The following ANKRD30BL variants were observed in gnomAD, a reference collection of about 807,000 sequenced individuals.
The protein encoded by ANKRD30BL is putative ankyrin repeat domain-containing protein 30B-like.
ANKRD30BL carries 20 observed loss-of-function variants against 18.4 expected under a neutral mutation model. The observed-to-expected ratio is 1.09, with a 90% CI of 0.77 to 1.58. The LOEUF (loss-of-function observed/expected upper bound fraction) is 1.58, where lower values mean the gene tolerates loss of function less well. ANKRD30BL is among the 40% of genes most tolerant of loss of function. The pLI is 0.00. For synonymous variants in ANKRD30BL, 72 were observed against 100.9 expected, an observed-to-expected ratio of 0.71 and a Z score of 1.72; for missense variants, 224 against 268.6, an observed-to-expected ratio of 0.83 and a Z score of 1.16.
chr2:132,166,806 A>G (rs531558527), upstream of ANKRD30BL, among the ~76,000 whole-genome samples: 7 of 152,086 alleles, frequency 4.6e-5, no homozygotes, highest in Non-Finnish European at 7.4e-5. Context: ...TTTTACTGAT[A>G]TCTGCTAAAC....
chr2:132,242,179 C>T (rs376058367), intron 1 of ANKRD30BL, among the ~76,000 whole-genome samples: 20 of 151,476 alleles, frequency 1.3e-4, no homozygotes, highest in East Asian at 9.7e-4. Flanking sequence ...TTGAGGATTT[C>T]GTTGGAAACG....
chr2:132,183,536 AG>A (rs1210998699), intron 1 of ANKRD30BL, among the ~76,000 whole-genome samples: 1 of 152,132 alleles, frequency 6.6e-6, no homozygotes, highest in African/African-American at 2.4e-5. Context: ...AGTTAGCAAG[AG>A]GGGGCAAGGC....
chr2:132,155,494 G>C (rs1381828608), intron 3 of ANKRD30BL: 1 of 152,106 alleles, frequency 6.6e-6, no homozygotes, highest in Non-Finnish European at 1.5e-5. Context: ...TAAGGAAGTG[G>C]CTCTAAATTA....
chr2:132,247,465 T>C (rs376180160), intron 1 of ANKRD30BL, among the ~76,000 whole-genome samples: 1 of 151,682 alleles, frequency 6.6e-6, no homozygotes, highest in Non-Finnish European at 1.5e-5. Context: ...AAATATCCTT[T>C]TGCAGGTTCT....
chr2:132,149,409 TAGAG>T (rs1315184463), intron 5 of ANKRD30BL, among the ~76,000 whole-genome samples: 2 of 152,204 alleles, frequency 1.3e-5, no homozygotes, highest in African/African-American at 2.4e-5. Context: ...GGTTTCAACT[TAGAG>T]GGAATGAAGT....
intron 1 of ANKRD30BL, among the ~76,000 whole-genome samples, chr2:132,255,923 C>A (rs549686691): frequency 6.6e-6 from 1 of 152,042 alleles, no homozygotes; most frequent in African/African-American, 2.4e-5. Context: ...TGGCGGCACC[C>A]GACCCCCCGG....
intron 1 of ANKRD30BL, among the ~76,000 whole-genome samples, chr2:132,226,539 A>G (rs1231653526): frequency 3.3e-5 from 5 of 152,050 alleles, no homozygotes; most frequent in Non-Finnish European, 7.3e-5. Context: ...TAAAATCTAG[A>G]CAGAACCAAT....
chr2:132,235,553 CAGAG>C (rs1224317371), intron 1 of ANKRD30BL, among the ~76,000 whole-genome samples: 50 of 152,070 alleles, frequency 3.3e-4, no homozygotes, highest in African/African-American at 1.2e-3. Flanking sequence ...AACAGACAAA[CAGAG>C]AGCCAAATCA....
chr2:132,188,535 C>G (rs540661311), intron 1 of ANKRD30BL, among the ~76,000 whole-genome samples: 1 of 152,094 alleles, frequency 6.6e-6, no homozygotes, highest in Non-Finnish European at 1.5e-5. Context: ...AGGGTGAAAC[C>G]CTGTCTCCAC....
At chr2:132,238,045 T>C (rs569025904) in intron 1 of ANKRD30BL, among the ~76,000 whole-genome samples, 5 of 152,136 alleles carry the variant, frequency 3.3e-5, no homozygotes, top group Admixed American at 2.6e-4. Context: ...TTCCGTTTCA[T>C]AGAACAGTTT....
intron 1 of ANKRD30BL, among the ~76,000 whole-genome samples, chr2:132,193,614 T>C (rs1678902746): frequency 6.6e-6 from 1 of 152,182 alleles, no homozygotes; most frequent in African/African-American, 2.4e-5. Context: ...GCTAGACTCA[T>C]GGAGCCCTGG....
intron 1 of ANKRD30BL, among the ~76,000 whole-genome samples, chr2:132,223,996 A>C (rs1333186539): frequency 1.3e-5 from 2 of 152,154 alleles, no homozygotes; most frequent in Non-Finnish European, 1.5e-5. Flanking sequence ...CATTCTCAGA[A>C]ACTTCTTTGT....
chr2:132,229,777 G>A (rs1318216923), intron 1 of ANKRD30BL, among the ~76,000 whole-genome samples: 2 of 151,914 alleles, frequency 1.3e-5, no homozygotes, highest in Non-Finnish European at 2.9e-5. Flanking sequence ...GGACTATGGT[G>A]GGAAAGGAAA....
chr2:132,221,385 T>G (rs1255438523), intron 1 of ANKRD30BL, among the ~76,000 whole-genome samples: 2 of 90,780 alleles, frequency 2.2e-5, no homozygotes, highest in Non-Finnish European at 4.4e-5. Context: ...GTCAGCCCCC[T>G]GCCCGGCCAG....
At chr2:132,162,146 C>T (rs575091779), upstream of ANKRD30BL, among the ~76,000 whole-genome samples, 578 of 152,198 alleles carry the variant, frequency 3.8e-3, 3 homozygotes, top group African/African-American at 0.013. Context: ...CCCCTGTCCC[C>T]TCCTCAACCT....
chr2:132,159,335 T>G (rs1379946577), intron 1 of ANKRD30BL, among the ~76,000 whole-genome samples: 1 of 152,130 alleles, frequency 6.6e-6, no homozygotes. Flanking sequence ...CACCAAATTG[T>G]CTATTTGAAA....
chr2:132,174,593 A>T (rs1688331362), intron 1 of ANKRD30BL, among the ~76,000 whole-genome samples: 1 of 152,194 alleles, frequency 6.6e-6, no homozygotes, highest in South Asian at 2.1e-4. Context: ...AGAAAGAAAG[A>T]TGTGTAAGAT....
upstream of ANKRD30BL, among the ~76,000 whole-genome samples, chr2:132,165,581 G>T (rs1688174798): frequency 6.7e-6 from 1 of 149,398 alleles, no homozygotes; most frequent in Non-Finnish European, 1.5e-5. Context: ...AAATTAGCCG[G>T]ACATGGTGGT....
intron 1 of ANKRD30BL, among the ~76,000 whole-genome samples, chr2:132,178,704 A>G (rs1447959295): frequency 6.6e-6 from 1 of 152,158 alleles, no homozygotes; most frequent in Admixed American, 6.6e-5. Context: ...AAATGTAGAA[A>G]ATATTTTAAG....
Sources: allele counts gnomAD v4.1 joint callset (sites outside exome capture counted in the v4.1 genomes callset), GRCh38; gene constraint gnomAD v4.1.1; transcripts MANE v1.5; gene names NCBI Gene and HGNC (gene_info 2026-07-23, HGNC 2026-07-21).